Variants in ANK1 observed in about 807,000 individuals in gnomAD.
The protein encoded by ANK1 is ankyrin 1, also known as ankyrin-1.
In ANK1, 51 loss-of-function variants were observed where a neutral mutation model predicts 210.4. The ratio of observed to expected loss-of-function variants is 0.24; its 90% CI spans 0.19 to 0.31. The LOEUF is 0.31. Among genes scored for constraint, ANK1 ranks in the 10% least tolerant of loss-of-function variants. The probability of loss-of-function intolerance (pLI) is 1.00; values close to 1 mark genes in which losing one functional copy is unlikely to be tolerated. For synonymous variants in ANK1, 967 were observed against 1,025.9 expected, an observed-to-expected ratio of 0.94 and a Z score of 1.10; for missense variants, 2,051 against 2,504.4, an observed-to-expected ratio of 0.82 and a Z score of 3.86.
At chr8:41,862,094 GT>G (rs1813376288) in intron 1 of ANK1, among the ~76,000 whole-genome samples, 1 of 152,154 alleles carries the variant, frequency 6.6e-6, no homozygotes, top group Non-Finnish European at 1.5e-5. Context: ...TTGGCAAAAT[GT>G]ATTTAACCTC....
chr8:41,797,671 C>T, upstream of ANK1: 1 of 1,368,208 alleles, frequency 7.3e-7, no homozygotes, highest in Non-Finnish European at 9.6e-7. The surrounding 1 kb of genome is among the most constrained non-coding windows in gnomAD (Gnocchi z 4.0). Flanking sequence ...TTATCGGCCC[C>T]AGAGGCGCTT....
At chr8:41,659,486 G>C (rs951155600) in intron 42 of ANK1, among the ~76,000 whole-genome samples, 4 of 152,292 alleles carry the variant, frequency 2.6e-5, no homozygotes, top group Non-Finnish European at 5.9e-5. Flanking sequence ...GGACGAATTC[G>C]CAAATGCAGA....
At chr8:41,684,507 T>C (rs1185372799) in intron 37 of ANK1, 37 bp downstream of exon 37, 1 of 1,611,960 alleles carries the variant, frequency 6.2e-7, no homozygotes, top group Non-Finnish European at 8.5e-7. Flanking sequence ...AGGGCAGGGC[T>C]CCGGCTCAGT....
At chr8:41,671,607 CTAAG>C (rs909641440) in intron 38 of ANK1, among the ~76,000 whole-genome samples, 3 of 148,188 alleles carry the variant, frequency 2.0e-5, no homozygotes, top group Admixed American at 2.0e-4. Context: ...CCCGATGTCC[CTAAG>C]TGAGACCTCC....
At position 41,796,957 on chromosome 8, in the gene ANK1, C is replaced by T. The variant is rs528079825; in HGVS notation, c.27+555G>A. On this transcript the variant is annotated intron_variant, in intron 1 of 42. Transcript: ENST00000289734. Reference sequence around the variant, plus strand: ...GGCCACGCCGCCGCTCTTTCCCTTCCTTCGTAGACATATTTCTCTCCATGA... The same window carrying T: ...GGCCACGCCGCCGCTCTTTCCCTTCTTTCGTAGACATATTTCTCTCCATGA... 8.5e-5 allele frequency among the ~76,000 whole-genome samples: 13 copies of T among 152,250 alleles called. 1 individual carries two copies. The highest frequency in any genetic ancestry group is 7.2e-4 in the Admixed American group (11 of 15,308).
intron 27 of ANK1, 131 bp downstream of exon 27, chr8:41,695,046 C>T: frequency 2.3e-6 from 3 of 1,305,500 alleles, no homozygotes; most frequent in East Asian, 4.6e-5. Context: ...CAGGGCTTGT[C>T]CACACCAGGC....
upstream of ANK1, among the ~76,000 whole-genome samples, chr8:41,799,801 C>T (rs535387279): frequency 1.5e-4 from 23 of 152,284 alleles, no homozygotes; most frequent in Non-Finnish European, 2.9e-4. Flanking sequence ...GCCAGGCATG[C>T]TCAGGGGCAA....
intron 39 of ANK1, among the ~76,000 whole-genome samples, chr8:41,667,528 G>A (rs1266722035): frequency 2.6e-5 from 4 of 152,194 alleles, no homozygotes; most frequent in African/African-American, 9.7e-5. Flanking sequence ...AGTGGGGGGT[G>A]CAGATGAAAC....
At chr8:41,774,373 A>G (rs1312148148) in intron 1 of ANK1, among the ~76,000 whole-genome samples, 50 of 152,222 alleles carry the variant, frequency 3.3e-4, no homozygotes, top group Non-Finnish European at 7.3e-5. Context: ...TCAGATTTCT[A>G]AATGAATCAG....
chr8:41,771,722 T>C (rs1366547318), intron 1 of ANK1, among the ~76,000 whole-genome samples: 2 of 152,098 alleles, frequency 1.3e-5, no homozygotes, highest in Non-Finnish European at 2.9e-5. Flanking sequence ...TGGGGTTCTG[T>C]CCTCTGGGCC....
chr8:41,678,852 C>T (rs912319484), intron 37 of ANK1, among the ~76,000 whole-genome samples: 5 of 152,184 alleles, frequency 3.3e-5, no homozygotes, highest in East Asian at 1.9e-4. Flanking sequence ...GACACTATCT[C>T]GGCTCACTGC....
At chr8:41,837,250 T>TTA (rs1443990689) in intron 1 of ANK1, among the ~76,000 whole-genome samples, 5 of 152,190 alleles carry the variant, frequency 3.3e-5, no homozygotes. Context: ...CATCCAGCAC[T>TTA]TACTAGGTGC....
chr8:41,748,764 G>A (rs530313694), intron 2 of ANK1, among the ~76,000 whole-genome samples: 10 of 152,322 alleles, frequency 6.6e-5, no homozygotes, highest in African/African-American at 2.4e-4. Context: ...AGCCAGGCGC[G>A]GTGGCTTACG....
At chr8:41,715,509 C>T in intron 14 of ANK1, 143 bp downstream of exon 14, 1 of 1,094,980 alleles carries the variant, frequency 9.1e-7, no homozygotes, top group Non-Finnish European at 1.3e-6. Context: ...CAGGTGGTGG[C>T]CAGCCCTGAG....
chr8:41,799,545 A>C (rs1306258353), upstream of ANK1, among the ~76,000 whole-genome samples: 3 of 152,160 alleles, frequency 2.0e-5, no homozygotes, highest in Non-Finnish European at 4.4e-5. Context: ...GCATATGAAC[A>C]CAGAGTGTCA....
At chr8:41,834,282 C>T (rs1807212646) in intron 1 of ANK1, among the ~76,000 whole-genome samples, 1 of 152,208 alleles carries the variant, frequency 6.6e-6, no homozygotes, top group South Asian at 2.1e-4. Flanking sequence ...TTGAGAAAAC[C>T]TGGAGGCAAT....
intron 1 of ANK1, among the ~76,000 whole-genome samples, chr8:41,837,211 TA>T (rs1404895688): frequency 6.6e-6 from 1 of 152,226 alleles, no homozygotes; most frequent in Non-Finnish European, 1.5e-5. Context: ...AGGAGAGCTT[TA>T]TAGCTATAAT....
chr8:41,819,858 C>G (rs1043469716), intron 1 of ANK1, among the ~76,000 whole-genome samples: 2 of 152,208 alleles, frequency 1.3e-5, no homozygotes, highest in African/African-American at 4.8e-5. Context: ...GAATCTCATC[C>G]ATTTTCTTCT....
At chr8:41,824,768 A>T (rs1037028274) in intron 1 of ANK1, among the ~76,000 whole-genome samples, 12 of 152,184 alleles carry the variant, frequency 7.9e-5, no homozygotes, top group African/African-American at 2.9e-4. Flanking sequence ...CCTGAATCTC[A>T]TTCAAGGCAT....
Sources: gnomAD v4.1 joint callset for allele counts (sites outside exome capture counted in the v4.1 genomes callset) on GRCh38, gnomAD v4.1.1 for gene constraint, Gnocchi (gnomAD v3.1) non-coding constraint, MANE v1.5 for transcripts, NCBI Gene and HGNC (gene_info 2026-07-23, HGNC 2026-07-21) for gene names.